Variants in PLS1 observed in about 807,000 individuals in gnomAD.
The protein encoded by PLS1 is plastin-1.
Under a neutral mutation model 73.7 loss-of-function variants are expected in PLS1, and 32 were observed. That is an observed-to-expected ratio of 0.43 (90% confidence interval 0.33 to 0.58). The LOEUF (loss-of-function observed/expected upper bound fraction) is 0.58. PLS1 is among the 20% of genes least tolerant of loss of function. PLS1 has a pLI of 0.04. For synonymous variants in PLS1, 217 were observed against 261.3 expected (o/e 0.83, Z 1.63); for missense variants, 633 against 740.5 (o/e 0.85, Z 1.68).
intron 1 of PLS1, among the ~76,000 whole-genome samples, chr3:142,645,827 T>A (rs59557609): frequency 2.0e-5 from 3 of 152,168 alleles, no homozygotes; most frequent in African/African-American, 7.2e-5. Flanking sequence ...TTCACAAAGC[T>A]TATTTAAATC....
At position 142,669,825 on chromosome 3, in the gene PLS1, A is replaced by G. The variant is rs1321886680; in HGVS notation, c.234+272A>G. Among the ~76,000 whole-genome samples, 12 of 152,334 alleles carry G rather than the reference A, an allele frequency of 7.9e-5. No homozygotes were observed. The East Asian group carries it at 1.3e-3, about 17-fold the overall frequency. On this transcript the variant is annotated intron_variant, in intron 3 of 15. Transcript: ENST00000457734. ...TCCCTAGAATAACTAGGTGAGTTCAATGCTTATTGACCATTAATATAATTG... is the reference window on the plus strand; with the variant it reads ...TCCCTAGAATAACTAGGTGAGTTCAGTGCTTATTGACCATTAATATAATTG...
Position 142,684,332 on chromosome 3 carries a change from G to C in PLS1, c.825G>C (p.Trp275Cys). The C allele has an allele frequency of 1.2e-6, 2 of 1,613,806 alleles. No individual in the cohort carries two copies. The highest frequency in any genetic ancestry group is 1.7e-6 in the Non-Finnish European group (2 of 1,179,764). ...CTCCCGAGGAATTACTGCTGCGATG[G>C]GTGAACTACCATCTGACCAATGCAG... ...KLSPEELLLR[W>C]VNYHLTNAGW... Residue 275 changes from tryptophan to cysteine, a missense_variant, in exon 8 of 16, where the codon TGG becomes TGC. Coordinates refer to ENST00000457734, the MANE Select transcript of PLS1 (RefSeq NM_001145319.2).
intron 1 of PLS1, among the ~76,000 whole-genome samples, chr3:142,609,851 A>G (rs559816479): frequency 6.6e-6 from 1 of 152,304 alleles, no homozygotes; most frequent in East Asian, 1.9e-4. Context: ...GATGGTGCTG[A>G]TGATCAAAGC....
intron 4 of PLS1, among the ~76,000 whole-genome samples, chr3:142,673,408 G>T (rs1236887419): frequency 6.6e-6 from 1 of 152,054 alleles, no homozygotes; most frequent in African/African-American, 2.4e-5. Flanking sequence ...TCAGGTGATG[G>T]ACATTTGGGT....
intron 14 of PLS1, among the ~76,000 whole-genome samples, chr3:142,708,992 AT>A (rs905367103): frequency 5.9e-5 from 9 of 152,260 alleles, no homozygotes; most frequent in African/African-American, 1.7e-4. Flanking sequence ...TAAATGAAAT[AT>A]TTAAAATAAC....
chr3:142,678,133 T>A lies in PLS1; in HGVS notation c.579+20T>A. On this transcript the variant is annotated intron_variant, in intron 6 of 15. Transcript: ENST00000457734. ...ATTTCTGTAAGTATTTGCCCTTTGC[T>A]TATTATCATGTTACTATGCTGAGAA... 1 of 1,238,494 alleles carries A rather than the reference T, an allele frequency of 8.1e-7. No individual in the cohort carries two copies. The highest frequency in any genetic ancestry group is 1.6e-5 in the African/African-American group (1 of 63,972). 76.7% of individuals were successfully genotyped at this position (1,238,494 alleles called of 1,614,324 possible).
intron 1 of PLS1, among the ~76,000 whole-genome samples, chr3:142,654,391 G>A (rs947656480): frequency 5.3e-5 from 8 of 152,246 alleles, no homozygotes; most frequent in Admixed American, 5.2e-4. Flanking sequence ...TGTCGCCCAG[G>A]CTGGAATGCA....
intron 4 of PLS1, chr3:142,673,908 CCAA>C (rs999269384): frequency 7.2e-5 from 11 of 152,220 alleles, no homozygotes; most frequent in African/African-American, 2.7e-4. Flanking sequence ...TCAATTCTCA[CCAA>C]CACTTGTTTT....
intron 9 of PLS1, among the ~76,000 whole-genome samples, chr3:142,688,148 A>G (rs1327333664): frequency 6.6e-6 from 1 of 152,028 alleles, no homozygotes; most frequent in Non-Finnish European, 1.5e-5. Context: ...GGGTTTCACC[A>G]TGTTGGCTAG....
intron 1 of PLS1, among the ~76,000 whole-genome samples, chr3:142,600,879 T>C (rs1377791065): frequency 1.8e-4 from 3 of 16,242 alleles, no homozygotes; most frequent in Non-Finnish European, 3.2e-4. Flanking sequence ...CCTGGTTTCA[T>C]ATATATATAT....
At chr3:142,626,509 A>G (rs2036432196) in intron 1 of PLS1, among the ~76,000 whole-genome samples, 1 of 152,224 alleles carries the variant, frequency 6.6e-6, no homozygotes, top group South Asian at 2.1e-4. Flanking sequence ...TTTTAAATCT[A>G]TTGTTAACTG....
intron 1 of PLS1, among the ~76,000 whole-genome samples, chr3:142,629,348 G>A (rs752512384): frequency 2.0e-5 from 3 of 151,982 alleles, no homozygotes; most frequent in Non-Finnish European, 4.4e-5. Context: ...GATTACAGGT[G>A]CACACCACCA....
intron 1 of PLS1, among the ~76,000 whole-genome samples, chr3:142,618,892 T>G (rs1228422558): frequency 6.6e-6 from 1 of 152,172 alleles, no homozygotes; most frequent in African/African-American, 2.4e-5. Flanking sequence ...AAAATCTGTT[T>G]TGCCATGTAA....
intron 2 of PLS1, among the ~76,000 whole-genome samples, chr3:142,667,231 A>G (rs1196965994): frequency 1.3e-5 from 2 of 152,202 alleles, no homozygotes; most frequent in East Asian, 1.9e-4. Flanking sequence ...CCTGGCCAAC[A>G]TGGTAAAACC....
Position 142,684,233 on chromosome 3 carries a change from T to C in PLS1, c.746-20T>C. ...GTACTTGCTATGGGAAGAATTTACATTTCGCTGTTTTGCCCTCAGCTCTGA... is the reference window on the plus strand; with the variant it reads ...GTACTTGCTATGGGAAGAATTTACACTTCGCTGTTTTGCCCTCAGCTCTGA... On this transcript the variant is annotated intron_variant, in intron 7 of 15. Transcript: ENST00000457734. The C allele has an allele frequency of 6.2e-7, 1 of 1,614,044 alleles. No homozygotes were observed. Among genetic ancestry groups the C allele is most frequent in the Non-Finnish European group, 8.5e-7 (1 of 1,179,904 alleles).
chr3:142,624,209 AT>A (rs971848887), intron 1 of PLS1, among the ~76,000 whole-genome samples: 1 of 152,220 alleles, frequency 6.6e-6, no homozygotes, highest in African/African-American at 2.4e-5. Flanking sequence ...GTTCTTCAGC[AT>A]TTCCAAGTAC....
At chr3:142,688,282 CTT>C (rs988784636) in intron 9 of PLS1, among the ~76,000 whole-genome samples, 10 of 152,218 alleles carry the variant, frequency 6.6e-5, no homozygotes, top group Non-Finnish European at 1.3e-4. Flanking sequence ...ACAATGGTAA[CTT>C]TTCTTTGTTA....
rs150895775 is a variant in PLS1, at chr3:142,689,788, T to G, written c.1152T>G (p.Asn384Lys). Residue 384 changes from asparagine to lysine, a missense_variant, in exon 10 of 16, where the codon AAT becomes AAG. Transcript: ENST00000457734. ...TYPCLHKPNN[N>K]DIDMNLLEGE... ...CGTGCCTGCACAAGCCGAATAATAA[T>G]GACATCGATATGAATTTACTGGAAG... The G allele has an allele frequency of 8.8e-6, 14 of 1,593,864 alleles. No homozygotes were observed. Among genetic ancestry groups the G allele is most frequent in the Non-Finnish European group, 1.2e-5 (14 of 1,171,142 alleles).
chr3:142,608,130 G>A (rs1183336739), intron 1 of PLS1, among the ~76,000 whole-genome samples: 1 of 152,112 alleles, frequency 6.6e-6, no homozygotes, highest in Non-Finnish European at 1.5e-5. Flanking sequence ...TTATAGGCAT[G>A]AGCCACCCAC....
Sources: gnomAD v4.1 joint callset for allele counts (sites outside exome capture counted in the v4.1 genomes callset) on GRCh38, gnomAD v4.1.1 for gene constraint, MANE v1.5 for transcripts, NCBI Gene and HGNC (gene_info 2026-07-23, HGNC 2026-07-21) for gene names.